NAT8L: variants seen among roughly 807,000 people sequenced by gnomAD.
NAT8L encodes N-acetylaspartate synthetase.
Under a neutral mutation model 21.2 loss-of-function variants are expected in NAT8L, and 6 were observed. The ratio of observed to expected loss-of-function variants is 0.28; its 90% CI spans 0.16 to 0.56. The LOEUF is 0.56. Ranked by LOEUF, NAT8L falls within the 20% of genes least tolerant of loss-of-function variation. The pLI, the probability that NAT8L is intolerant of heterozygous loss-of-function variation, is 0.93. For synonymous variants in NAT8L, 239 were observed against 204.9 expected (o/e 1.17, Z -1.42); for missense variants, 331 against 433.3 (o/e 0.76, Z 2.10).
Position 2,064,096 on chromosome 4 carries a change from ACCGCTACCG to A in NAT8L, c.881_889del (p.Arg294_Arg296del). The A allele has an allele frequency of 6.2e-7, 1 of 1,601,234 alleles. No homozygotes were observed. The highest frequency in any genetic ancestry group is 8.5e-7 in the Non-Finnish European group (1 of 1,177,838). ...CGCCTCTTCTTCCAGGTCCGCTACC[ACCGCTACCG>A]CCTGCAGCTGCGCGAGGAGTGACCG... On this transcript the variant is annotated inframe_deletion, in exon 3 of 3. Transcript: ENST00000423729.
Position 2,068,308 on chromosome 4 carries a change from G to A in NAT8L, c.*4181G>A, listed in dbSNP as rs1730047131. ...GTGTACATGCGTGAGCACGTGTATA[G>A]ATGTACGTGTGTGTGCGCATGTGTG... On this transcript the variant is annotated 3_prime_UTR_variant, in exon 3 of 3. Transcript: ENST00000423729. The A allele has an allele frequency of 6.6e-6, 1 of 152,290 alleles. No individual in the cohort carries two copies. The highest frequency in any genetic ancestry group is 6.5e-5 in the Admixed American group (1 of 15,288). 9.4% of individuals were successfully genotyped at this position (152,290 alleles called of 1,614,324 possible).
At chr4:2,063,618 G>C (rs1040346222) in intron 2 of NAT8L, 142 bp from the exon 3 acceptor site, 8 of 1,487,956 alleles carry the variant, frequency 5.4e-6, no homozygotes, top group Non-Finnish European at 7.3e-6. Flanking sequence ...GGCCCCGGGG[G>C]CTGCCGGGAT....
intron 2 of NAT8L, among the ~76,000 whole-genome samples, chr4:2,061,852 AC>A (rs1248477715): frequency 6.6e-6 from 1 of 152,062 alleles, no homozygotes; most frequent in African/African-American, 2.4e-5. Flanking sequence ...CTGTAGGCCA[AC>A]GAGAGGGACA....
Position 2,059,911 on chromosome 4 carries a change from G to C in NAT8L, c.376+24G>C. The C allele has an allele frequency of 8.1e-7, 1 of 1,235,268 alleles. No homozygotes were observed. The highest frequency in any genetic ancestry group is 1.0e-6 in the Non-Finnish European group (1 of 980,180). 76.5% of individuals were successfully genotyped at this position (1,235,268 alleles called of 1,614,324 possible). A position where few individuals can be genotyped will look rare whatever the true frequency, so the allele number is the denominator to read the frequency against. Reference sequence around the variant, plus strand: ...GGGTCAGTGCGCCGGGCCCCCGGCTGCCGCAGTCCCTCGGGCCGGCGCGGA... The same window carrying C: ...GGGTCAGTGCGCCGGGCCCCCGGCTCCCGCAGTCCCTCGGGCCGGCGCGGA... On this transcript the variant is annotated intron_variant, in intron 1 of 2. Coordinates refer to ENST00000423729, the MANE Select transcript of NAT8L (RefSeq NM_178557.4). The surrounding 1 kb of genome is among the most constrained non-coding windows in gnomAD (Gnocchi z 4.8).
Position 2,066,407 on chromosome 4 carries a change from G to A in NAT8L, c.*2280G>A, listed in dbSNP as rs949610824. 1.3e-5 allele frequency: 2 copies of A among 152,230 alleles called. No individual in the cohort carries two copies. Among genetic ancestry groups the A allele is most frequent in the African/African-American group, 2.4e-5 (1 of 41,450 alleles). 9.4% of individuals were successfully genotyped at this position (152,230 alleles called of 1,614,324 possible). ...TGTGCAGAACCCTGCCGCCCCTGAG[G>A]TGAGCAGAGGCACTGGTGTGCCTGC... On this transcript the variant is annotated 3_prime_UTR_variant, in exon 3 of 3. Coordinates refer to ENST00000423729, the MANE Select transcript of NAT8L (RefSeq NM_178557.4).
At position 2,066,757 on chromosome 4, in the gene NAT8L, C is replaced by CA. The variant is rs1482436382; in HGVS notation, c.*2631dup. The CA allele has an allele frequency of 2.6e-5, 4 of 152,338 alleles. No homozygotes were observed. The highest frequency in any genetic ancestry group is 9.6e-5 in the African/African-American group (4 of 41,454). 9.4% of individuals were successfully genotyped at this position (152,338 alleles called of 1,614,324 possible). A position where few individuals can be genotyped will look rare whatever the true frequency, so the allele number is the denominator to read the frequency against. ...CTGCCCGCTCCCCATGGGCACCCAC[C>CA]ACTCAAACTCTGCGTGGTGAGGCCC... On this transcript the variant is annotated 3_prime_UTR_variant, in exon 3 of 3. Transcript: ENST00000423729.
Position 2,068,165 on chromosome 4 carries a change from G to A in NAT8L, c.*4038G>A, listed in dbSNP as rs560256158. On this transcript the variant is annotated 3_prime_UTR_variant, in exon 3 of 3. Coordinates refer to ENST00000423729, the MANE Select transcript of NAT8L (RefSeq NM_178557.4). ...GCAAGTGGGTTCTTGGATATGTGTAGTGTGAGCATGTGTGCATGTGTGAGC... is the reference window on the plus strand; with the variant it reads ...GCAAGTGGGTTCTTGGATATGTGTAATGTGAGCATGTGTGCATGTGTGAGC... 2 of 152,310 alleles carry A rather than the reference G, an allele frequency of 1.3e-5. No homozygotes were observed. The highest frequency in any genetic ancestry group is 2.4e-5 in the African/African-American group (1 of 41,490). 9.4% of individuals were successfully genotyped at this position (152,310 alleles called of 1,614,324 possible).
chr4:2,063,957 G>A lies in NAT8L; in HGVS notation c.739G>A (p.Gly247Ser), dbSNP rs1338430914. The change falls in exon 3 of 3, where the codon GGC becomes AGC. Residue 247 changes from glycine to serine, a missense_variant. Gly to Ser is a moderately conservative substitution (Grantham distance 56). Around this residue, in one of 2 missense-constraint regions of NAT8L, gnomAD observed 132 missense variants for 237.1 expected, o/e 0.56. Transcript: ENST00000423729. ...GCACAACTACTCCGCGGTGGTGCTGGGCACGACGGCCGTCAAGGTGGCCGC... is the reference window on the plus strand; with the variant it reads ...GCACAACTACTCCGCGGTGGTGCTGAGCACGACGGCCGTCAAGGTGGCCGC... The part of the protein sequence containing the change: ...VVHNYSAVVL[G>S]TTAVKVAAHK... The A allele has an allele frequency of 1.2e-6, 2 of 1,611,732 alleles. No individual in the cohort carries two copies. The highest frequency in any genetic ancestry group is 1.7e-6 in the Non-Finnish European group (2 of 1,179,552).
chr4:2,066,049 G>C lies in NAT8L; in HGVS notation c.*1922G>C, dbSNP rs1418322886. 1 of 152,694 alleles carries C rather than the reference G, an allele frequency of 6.5e-6. No homozygotes were observed. The highest frequency in any genetic ancestry group is 2.4e-5 in the African/African-American group (1 of 41,434). 9.5% of individuals were successfully genotyped at this position (152,694 alleles called of 1,614,324 possible). ...TCAGGTCTTGGGGGTGTCATGTCGG[G>C]GTGCTGCCAGCGTCCCTTGGTCCTG... On this transcript the variant is annotated 3_prime_UTR_variant, in exon 3 of 3. Coordinates refer to ENST00000423729, the MANE Select transcript of NAT8L (RefSeq NM_178557.4).
chr4:2,060,894 A>G lies in NAT8L; in HGVS notation c.377-104A>G, dbSNP rs1225921954. 3 of 515,340 alleles carry G rather than the reference A, an allele frequency of 5.8e-6. No individual in the cohort carries two copies. Among genetic ancestry groups the G allele is most frequent in the Non-Finnish European group, 9.8e-6 (3 of 305,970 alleles). The allele number at this position is 515,340 out of a possible 1,614,324, so 31.9% of individuals were successfully genotyped here. Reference sequence around the variant, plus strand: ...CCGAGATGACCCCGGCTCCTCCACCAGGAGCGCGGCCGGGCGCGGCGTCCC... The same window carrying G: ...CCGAGATGACCCCGGCTCCTCCACCGGGAGCGCGGCCGGGCGCGGCGTCCC... On this transcript the variant is annotated intron_variant, in intron 1 of 2. Transcript: ENST00000423729. This position sits in a 1 kb window ranked among gnomAD's most constrained non-coding sequence, Gnocchi z 4.7.
rs1729981121 is a variant in NAT8L, at chr4:2,065,548, C to A, written c.*1421C>A. 1 of 152,398 alleles carries A rather than the reference C, an allele frequency of 6.6e-6. No individual in the cohort carries two copies. Among genetic ancestry groups the A allele is most frequent in the African/African-American group, 2.4e-5 (1 of 41,454 alleles). The allele number at this position is 152,398 out of a possible 1,614,324, so 9.4% of individuals were successfully genotyped here. The stretch of plus-strand genomic sequence containing the variant: ...GGAGAAGAATAAACACTTGCCCAGA[C>A]CCCTTTGTGTGGGGGAATTGGGGAG... On this transcript the variant is annotated 3_prime_UTR_variant, in exon 3 of 3. Transcript: ENST00000423729.
chr4:2,060,355 AG>A lies in NAT8L; in HGVS notation c.376+469del, dbSNP rs1161502721. 4.6e-5 allele frequency among the ~76,000 whole-genome samples: 7 copies of A among 152,164 alleles called. No individual in the cohort carries two copies. The highest frequency in any genetic ancestry group is 8.8e-5 in the Non-Finnish European group (6 of 68,016). Reference sequence around the variant, plus strand: ...GGCGGTCGCAGAGGGCGGCCCCTTCAGCGTCTTTGGGTGCCCTTCCCCTCAG... The same window carrying A: ...GGCGGTCGCAGAGGGCGGCCCCTTCACGTCTTTGGGTGCCCTTCCCCTCAG... On this transcript the variant is annotated intron_variant, in intron 1 of 2. Coordinates refer to ENST00000423729, the MANE Select transcript of NAT8L (RefSeq NM_178557.4). This position sits in a 1 kb window ranked among gnomAD's most constrained non-coding sequence, Gnocchi z 4.7.
chr4:2,061,206 C>A (rs761296574), intron 2 of NAT8L, 44 bp downstream of exon 2: 7 of 1,607,286 alleles, frequency 4.4e-6, no homozygotes, highest in Non-Finnish European at 5.9e-6. Context: ...CCCCAGACAG[C>A]CCTCGGGGGC....
rs1729837053 is a variant in NAT8L, at chr4:2,060,711, C to T, written c.377-287C>T. ...TCTGCCCACCTTGGCTTCAGTAGGCCAGCGTGGGCAGAGTCCTTCCCGGCC... is the reference window on the plus strand; with the variant it reads ...TCTGCCCACCTTGGCTTCAGTAGGCTAGCGTGGGCAGAGTCCTTCCCGGCC... On this transcript the variant is annotated intron_variant, in intron 1 of 2. Coordinates refer to ENST00000423729, the MANE Select transcript of NAT8L (RefSeq NM_178557.4). This position sits in a 1 kb window ranked among gnomAD's most constrained non-coding sequence, Gnocchi z 4.7. Among the ~76,000 whole-genome samples the T allele has an allele frequency of 6.6e-6, 1 of 152,040 alleles. No individual in the cohort carries two copies. The highest frequency in any genetic ancestry group is 2.4e-5 in the African/African-American group (1 of 41,400).
In NAT8L at chr4:2,068,205, G is replaced by A. The variant is rs935588524; in HGVS notation, c.*4078G>A. On this transcript the variant is annotated 3_prime_UTR_variant, in exon 3 of 3. Coordinates refer to ENST00000423729, the MANE Select transcript of NAT8L (RefSeq NM_178557.4). ...CATGTGTGAGCCTGTGCACGTGCATGTTGTAGGTGCATAAGCATGTACACG... is the reference window on the plus strand; with the variant it reads ...CATGTGTGAGCCTGTGCACGTGCATATTGTAGGTGCATAAGCATGTACACG... 1 of 152,264 alleles carries A rather than the reference G, an allele frequency of 6.6e-6. No individual in the cohort carries two copies. The highest frequency in any genetic ancestry group is 1.5e-5 in the Non-Finnish European group (1 of 68,078). 9.4% of individuals were successfully genotyped at this position (152,264 alleles called of 1,614,324 possible).
At position 2,068,411 on chromosome 4, in the gene NAT8L, T is replaced by C. The variant is rs897897155; in HGVS notation, c.*4284T>C. The C allele has an allele frequency of 2.6e-5, 4 of 152,268 alleles. No individual in the cohort carries two copies. Among genetic ancestry groups the C allele is most frequent in the African/African-American group, 9.7e-5 (4 of 41,430 alleles). 9.4% of individuals were successfully genotyped at this position (152,268 alleles called of 1,614,324 possible). A position where few individuals can be genotyped will look rare whatever the true frequency, so the allele number is the denominator to read the frequency against. On this transcript the variant is annotated 3_prime_UTR_variant, in exon 3 of 3. Coordinates refer to ENST00000423729, the MANE Select transcript of NAT8L (RefSeq NM_178557.4). ...ATGTGCGTGTGTATGCATGAGCACG[T>C]ATGCATGTGTGATGCGCATGTTCTT...
At chr4:2,063,610 C>A in intron 2 of NAT8L, 150 bp from the exon 3 acceptor site, 3 of 1,419,690 alleles carry the variant, frequency 2.1e-6, no homozygotes, top group Non-Finnish European at 2.9e-6. Flanking sequence ...GGTAGCTAGG[C>A]CCCGGGGGCT....
At chr4:2,061,327 C>A (rs941271756) in intron 2 of NAT8L, among the ~76,000 whole-genome samples, 165 bp downstream of exon 2, 4 of 152,224 alleles carry the variant, frequency 2.6e-5, no homozygotes, top group Non-Finnish European at 5.9e-5. Flanking sequence ...CCGGTGTCAG[C>A]GGGGCTGGGG....
At position 2,059,871 on chromosome 4, in the gene NAT8L, C is replaced by T; in HGVS notation, c.360C>T (p.Leu120=). Residue 120 remains leucine (L), a synonymous_variant, in exon 1 of 3, where the codon CTC becomes CTT. Transcript: ENST00000423729. This position sits in a 1 kb window ranked among gnomAD's most constrained non-coding sequence, Gnocchi z 4.8. ...GGCAGCACCCGCGCGCGCAGCTGCT[C>T]TACGCCCTGCTGGCGGGTCAGTGCG... ...GLRQHPRAQL[L]YALLAALCFA... 7.4e-7 allele frequency: 1 copy of T among 1,351,194 alleles called. No individual in the cohort carries two copies. The allele number at this position is 1,351,194 out of a possible 1,614,324, so 83.7% of individuals were successfully genotyped here.
Sources: gnomAD v4.1 joint callset for allele counts (sites outside exome capture counted in the v4.1 genomes callset) on GRCh38, gnomAD v4.1.1 for gene constraint, gnomAD v4.1.1 regional missense constraint, Gnocchi (gnomAD v3.1) non-coding constraint, MANE v1.5 for transcripts, NCBI Gene and HGNC (gene_info 2026-07-23, HGNC 2026-07-21) for gene names.